The following DLG2 variants were observed in gnomAD, a reference collection of about 807,000 sequenced individuals.
DLG2 encodes the protein discs large MAGUK scaffold protein 2.
Under a neutral mutation model 132.5 loss-of-function variants are expected in DLG2, and 45 were observed. The ratio of observed to expected loss-of-function variants is 0.34; its 90% CI spans 0.27 to 0.44. The LOEUF (loss-of-function observed/expected upper bound fraction) is 0.44, where lower values mean the gene tolerates loss of function less well. DLG2 is among the 20% of genes least tolerant of loss of function. The pLI is 1.00. For synonymous variants in DLG2, 424 were observed against 419.6 expected (o/e 1.01, Z -0.13); for missense variants, 1,045 against 1,196.9 (o/e 0.87, Z 1.87).
intron 14 of DLG2, among the ~76,000 whole-genome samples, chr11:83,957,255 T>A (rs767405398): frequency 6.6e-6 from 1 of 152,110 alleles, no homozygotes; most frequent in Non-Finnish European, 1.5e-5. Flanking sequence ...AGTTAAACAA[T>A]AAGAGATAAG....
chr11:84,124,320 T>C (rs1421328682), intron 9 of DLG2, among the ~76,000 whole-genome samples: 1 of 152,224 alleles, frequency 6.6e-6, no homozygotes, highest in East Asian at 1.9e-4. Flanking sequence ...CATGAGTTGT[T>C]ATTTCTACCT....
At chr11:83,862,679 T>C (rs942399272) in intron 16 of DLG2, among the ~76,000 whole-genome samples, 1 of 151,992 alleles carries the variant, frequency 6.6e-6, no homozygotes, top group African/African-American at 2.4e-5. Flanking sequence ...AAAAGAGTGG[T>C]GGCAGCAGCA....
chr11:84,923,190 T>C, intron 6 of DLG2: 6 of 1,608,866 alleles, frequency 3.7e-6, no homozygotes, highest in Non-Finnish European at 4.2e-6. Flanking sequence ...CACACGATCC[T>C]GGGCATGTGC....
At chr11:84,341,740 C>T (rs1046694830) in intron 7 of DLG2, among the ~76,000 whole-genome samples, 3 of 152,190 alleles carry the variant, frequency 2.0e-5, no homozygotes, top group Non-Finnish European at 4.4e-5. Context: ...CTGTGTTTTG[C>T]CTTTGGGCAT....
intron 18 of DLG2, among the ~76,000 whole-genome samples, chr11:83,773,678 C>T (rs76526371): frequency 0.02 from 2,984 of 152,240 alleles, 98 homozygotes; most frequent in African/African-American, 0.068. Context: ...AGCATTTCAG[C>T]GGGGATGAAT....
At chr11:84,793,276 C>T (rs1307619088) in intron 6 of DLG2, among the ~76,000 whole-genome samples, 1 of 152,094 alleles carries the variant, frequency 6.6e-6, no homozygotes, top group Non-Finnish European at 1.5e-5. Context: ...AAGATGAATA[C>T]TATTATTTCA....
intron 18 of DLG2, among the ~76,000 whole-genome samples, chr11:83,694,080 C>T (rs2081454290): frequency 1.3e-5 from 2 of 152,182 alleles, no homozygotes; most frequent in South Asian, 2.1e-4. Context: ...TATTGGTCCA[C>T]TTGAGAGCTA....
At chr11:83,945,967 TTTTCTC>T (rs1289072597) in intron 14 of DLG2, among the ~76,000 whole-genome samples, 1 of 150,190 alleles carries the variant, frequency 6.7e-6, no homozygotes, top group Non-Finnish European at 1.5e-5. Context: ...CCTTCCTTCC[TTTTCTC>T]TTTCTCTTTC....
chr11:85,064,144 T>C (rs1285921456), intron 6 of DLG2, among the ~76,000 whole-genome samples: 4 of 151,854 alleles, frequency 2.6e-5, no homozygotes, highest in Non-Finnish European at 5.9e-5. Context: ...GAATACATCA[T>C]AACCAAGAAA....
rs538240093 is a variant in DLG2 at position 85,554,112 on chromosome 11, A to G, written c.40+44545T>C. Among the ~76,000 whole-genome samples the G allele has an allele frequency of 4.9e-4, 75 of 151,570 alleles. 1 individual carries two copies. The highest frequency in any genetic ancestry group is 1.6e-3 in the African/African-American group (67 of 41,506). ...CAAGATCTCAACTCAAGAAGTTTTTAAAAGGACAATAGAGTAAAATAAAAG... is the reference window on the plus strand; with the variant it reads ...CAAGATCTCAACTCAAGAAGTTTTTGAAAGGACAATAGAGTAAAATAAAAG... On this transcript the variant is annotated intron_variant, in intron 3 of 27. Coordinates refer to ENST00000376104, the MANE Select transcript of DLG2 (RefSeq NM_001142699.3).
chr11:84,676,311 TAGTC>T (rs1477663513), intron 6 of DLG2, among the ~76,000 whole-genome samples: 39 of 152,196 alleles, frequency 2.6e-4, no homozygotes, highest in African/African-American at 8.7e-4. Context: ...ACATTATAAT[TAGTC>T]AGTTCTTTCT....
chr11:84,568,923 C>T (rs966660646), intron 6 of DLG2, among the ~76,000 whole-genome samples: 1 of 152,196 alleles, frequency 6.6e-6, no homozygotes, highest in Non-Finnish European at 1.5e-5. Flanking sequence ...ACGTATTTCA[C>T]CTATCTTGAA....
intron 7 of DLG2, among the ~76,000 whole-genome samples, chr11:84,400,319 C>G (rs1002358589): frequency 6.6e-6 from 1 of 152,108 alleles, no homozygotes; most frequent in Non-Finnish European, 1.5e-5. Context: ...TGTTATTTAT[C>G]GGCTAAATAA....
At chr11:84,740,554 C>G (rs1435448967) in intron 6 of DLG2, among the ~76,000 whole-genome samples, 2 of 152,136 alleles carry the variant, frequency 1.3e-5, no homozygotes, top group African/African-American at 4.8e-5. Flanking sequence ...AAAGCCGCCT[C>G]TGGAGTGCAT....
chr11:83,604,628 C>G (rs997320544), intron 19 of DLG2, among the ~76,000 whole-genome samples: 1 of 151,926 alleles, frequency 6.6e-6, no homozygotes. Flanking sequence ...AGAGAAAAAC[C>G]TAATGTGAAA....
chr11:85,183,607 C>A (rs369128745), intron 4 of DLG2, among the ~76,000 whole-genome samples: 1 of 151,890 alleles, frequency 6.6e-6, no homozygotes, highest in African/African-American at 2.4e-5. Flanking sequence ...TTAACATAAA[C>A]ACTAACAGGA....
chr11:84,299,941 A>T (rs2098134036), intron 7 of DLG2, among the ~76,000 whole-genome samples: 1 of 152,196 alleles, frequency 6.6e-6, no homozygotes, highest in African/African-American at 2.4e-5. Flanking sequence ...GAGTTGTTGC[A>T]TCTGTAAGTT....
intron 4 of DLG2, among the ~76,000 whole-genome samples, chr11:85,271,669 T>C (rs956143119): frequency 6.6e-6 from 1 of 152,242 alleles, no homozygotes; most frequent in African/African-American, 2.4e-5. Flanking sequence ...ATGTGAGACA[T>C]GAAGTCAAAG....
intron 3 of DLG2, among the ~76,000 whole-genome samples, chr11:85,510,315 G>C (rs1022916449): frequency 6.6e-6 from 1 of 151,986 alleles, no homozygotes; most frequent in Non-Finnish European, 1.5e-5. Flanking sequence ...CATGGGCAAG[G>C]ACTTCATGTA....
Sources: allele counts gnomAD v4.1 joint callset (sites outside exome capture counted in the v4.1 genomes callset), GRCh38; gene constraint gnomAD v4.1.1; transcripts MANE v1.5; gene names NCBI Gene and HGNC (gene_info 2026-07-23, HGNC 2026-07-21).